Variants in DMXL2 observed in about 807,000 individuals in gnomAD.
DMXL2 encodes the protein Dmx like 2.
A neutral mutation model predicts 331.1 loss-of-function variants in DMXL2; 103 were observed. The observed-to-expected ratio is 0.31, with a 90% CI of 0.27 to 0.37. DMXL2 has a LOEUF of 0.37. Ranked by LOEUF, DMXL2 falls within the 10% of genes least tolerant of loss-of-function variation. The pLI is 1.00. For synonymous variants in DMXL2, 1,281 were observed against 1,252.1 expected (o/e 1.02, Z -0.49); for missense variants, 3,171 against 3,642.9 (o/e 0.87, Z 3.33).
At chr15:51,521,451 TA>T (rs56323725) in intron 13 of DMXL2, among the ~76,000 whole-genome samples, 3 of 149,876 alleles carry the variant, frequency 2.0e-5, no homozygotes, top group Non-Finnish European at 3.0e-5. Context: ...GTAGTAGTAG[TA>T]GTAGTAGTAG....
chr15:51,544,962 T>C (rs1428031959), intron 8 of DMXL2, among the ~76,000 whole-genome samples: 2 of 152,108 alleles, frequency 1.3e-5, no homozygotes, highest in Admixed American at 6.5e-5. Flanking sequence ...ATATATCTCA[T>C]TGTATTACCT....
chr15:51,604,356 T>A (rs1231181487), intron 1 of DMXL2, among the ~76,000 whole-genome samples: 1 of 148,224 alleles, frequency 6.7e-6, no homozygotes, highest in Non-Finnish European at 1.5e-5. Flanking sequence ...ACTGTCTAAT[T>A]TGCAGCTAGT....
intron 17 of DMXL2, 100 bp from the exon 18 acceptor site, chr15:51,500,331 T>C: frequency 8.3e-7 from 1 of 1,203,318 alleles, no homozygotes; most frequent in South Asian, 1.6e-5. Flanking sequence ...TTAAAGTCAC[T>C]ATGAGCTTCT....
intron 33 of DMXL2, among the ~76,000 whole-genome samples, chr15:51,462,473 T>C (rs1169205108): frequency 6.6e-6 from 1 of 152,074 alleles, no homozygotes; most frequent in African/African-American, 2.4e-5. Context: ...GCAGCTGGGA[T>C]TACAGACATG....
Position 51,536,780 on chromosome 15 carries a change from C to T in DMXL2, c.1700G>A (p.Cys567Tyr). 6.2e-7 allele frequency: 1 copy of T among 1,613,998 alleles called. No homozygotes were observed. Among genetic ancestry groups the T allele is most frequent in the Non-Finnish European group, 8.5e-7 (1 of 1,179,970 alleles). Residue 567 changes from cysteine (C) to tyrosine (Y), a missense_variant, in exon 12 of 44, where the codon TGT becomes TAT. Cys to Tyr is a radical substitution (Grantham distance 194). Coordinates refer to ENST00000560891, the MANE Select transcript of DMXL2 (RefSeq NM_001378457.1). ...GTGAGAATCTTTTGTCGCATTTATACAGGCATACATCATGATATTTTTACT... is the reference window on the plus strand; with the variant it reads ...GTGAGAATCTTTTGTCGCATTTATATAGGCATACATCATGATATTTTTACT... ...SLSKNIMMYACINATKDSHHT... is the reference protein window; with the variant it reads ...SLSKNIMMYAYINATKDSHHT...
chr15:51,449,268 T>G, intron 43 of DMXL2, 75 bp from the exon 44 acceptor site: 1 of 1,459,978 alleles, frequency 6.8e-7, no homozygotes, highest in Non-Finnish European at 9.4e-7. Context: ...TCTGCTCCCT[T>G]GGCCCAAGTG....
chr15:51,571,612 G>C (rs935198981), intron 2 of DMXL2, among the ~76,000 whole-genome samples: 1 of 152,178 alleles, frequency 6.6e-6, no homozygotes, highest in Admixed American at 6.5e-5. Context: ...AATCATATTA[G>C]AACTCAGAAT....
chr15:51,601,304 A>ATAAAAAAAT (rs2053213550), intron 1 of DMXL2, among the ~76,000 whole-genome samples: 4 of 151,548 alleles, frequency 2.6e-5, no homozygotes, highest in African/African-American at 9.7e-5. Context: ...AAAAAAAAAA[A>ATAAAAAAAT]AAATTTGATG....
chr15:51,507,650 G>A (rs1278243782), intron 15 of DMXL2, among the ~76,000 whole-genome samples: 1 of 152,122 alleles, frequency 6.6e-6, no homozygotes, highest in Non-Finnish European at 1.5e-5. Context: ...GAGGAGGATA[G>A]AAGGGAAGGA....
intron 17 of DMXL2, among the ~76,000 whole-genome samples, chr15:51,501,795 C>T (rs2140503797): frequency 6.6e-6 from 1 of 151,090 alleles, no homozygotes; most frequent in East Asian, 2.0e-4. Flanking sequence ...TGGTGGGCGC[C>T]TGTAGTCCCA....
intron 34 of DMXL2, among the ~76,000 whole-genome samples, chr15:51,459,383 G>A (rs1177953708): frequency 6.6e-6 from 1 of 152,144 alleles, no homozygotes; most frequent in African/African-American, 2.4e-5. Flanking sequence ...AAGTGAAGAT[G>A]GGACAGGGAG....
At chr15:51,545,882 G>C (rs1345916625) in intron 7 of DMXL2, 116 bp from the exon 8 acceptor site, 1 of 763,458 alleles carries the variant, frequency 1.3e-6, no homozygotes, top group Non-Finnish European at 2.1e-6. Flanking sequence ...ATGGAAAAAA[G>C]GAATCAATCA....
intron 29 of DMXL2, 57 bp downstream of exon 29, chr15:51,471,165 GA>G: frequency 6.6e-7 from 1 of 1,504,696 alleles, no homozygotes; most frequent in Non-Finnish European, 9.1e-7. Context: ...ACACATGCAA[GA>G]GTTAATAAAA....
rs117138928 is a variant in DMXL2, at chr15:51,484,554, G to A, written c.5482+1519C>T. On this transcript the variant is annotated intron_variant, in intron 23 of 43. Coordinates refer to ENST00000560891, the MANE Select transcript of DMXL2 (RefSeq NM_001378457.1). ...ACCAACACCTCAGGACCTATTCATA[G>A]TAACAAGTCTTTCCCTATGAAACCT... Among the ~76,000 whole-genome samples, 3 of 152,294 alleles carry A rather than the reference G, an allele frequency of 2.0e-5. No homozygotes were observed. The East Asian group carries it at 5.8e-4, about 29-fold the overall frequency.
intron 2 of DMXL2, among the ~76,000 whole-genome samples, chr15:51,572,886 T>C (rs949304633): frequency 6.6e-6 from 1 of 152,178 alleles, no homozygotes; most frequent in African/African-American, 2.4e-5. Context: ...AAGACAAGGA[T>C]GCCCTCTCTC....
intron 6 of DMXL2, among the ~76,000 whole-genome samples, chr15:51,552,168 G>A (rs1007978845): frequency 1.3e-5 from 2 of 152,190 alleles, no homozygotes; most frequent in Non-Finnish European, 2.9e-5. Context: ...GGAGAGGCAC[G>A]GAAGGGCCAG....
Position 51,481,133 on chromosome 15 carries a change from G to A in DMXL2, c.5973C>T (p.Asp1991=), listed in dbSNP as rs201392985. 77 of 1,611,906 alleles carry A rather than the reference G, an allele frequency of 4.8e-5. No individual in the cohort carries two copies. The highest frequency in any genetic ancestry group is 4.3e-4 in the South Asian group (39 of 90,938). Residue 1991 remains aspartate (D), a synonymous_variant, in exon 24 of 44, where the codon GAC becomes GAT. Transcript: ENST00000560891. ...TTTTCATCACTAAACCAACAGCATC[G>A]TCTTCCTCTTCATCTAAGGCACTGT... The part of the protein sequence containing the change: ...DHDSALDEEE[D]DAVGLVMKST...
chr15:51,605,027 G>C (rs1409799401), intron 1 of DMXL2, among the ~76,000 whole-genome samples: 4 of 138,524 alleles, frequency 2.9e-5, no homozygotes, highest in Non-Finnish European at 4.8e-5. Flanking sequence ...TGGAACAACT[G>C]GATGTTCATA....
intron 23 of DMXL2, among the ~76,000 whole-genome samples, chr15:51,482,502 C>T (rs1169676748): frequency 6.6e-6 from 1 of 152,022 alleles, no homozygotes; most frequent in Non-Finnish European, 1.5e-5. Context: ...AAAAAATTTC[C>T]TAATTCCATT....
Sources: gnomAD v4.1 joint callset for allele counts (sites outside exome capture counted in the v4.1 genomes callset) on GRCh38, gnomAD v4.1.1 for gene constraint, MANE v1.5 for transcripts, NCBI Gene and HGNC (gene_info 2026-07-23, HGNC 2026-07-21) for gene names.